FOXN3: variants seen among roughly 807,000 people sequenced by gnomAD.
FOXN3 encodes the protein forkhead box protein N3.
In FOXN3, 7 loss-of-function variants were observed where a neutral mutation model predicts 38.4. That is an observed-to-expected ratio of 0.18 (90% confidence interval 0.10 to 0.34). The LOEUF (loss-of-function observed/expected upper bound fraction) is 0.34. FOXN3 is among the 10% of genes least tolerant of loss of function. The pLI is 1.00. For synonymous variants in FOXN3, 230 were observed against 242.2 expected (o/e 0.95, Z 0.47); for missense variants, 456 against 613.4 (o/e 0.74, Z 2.71).
rs186061748 is a variant in FOXN3, at chr14:89,166,441, T to C, written c.852-3472A>G. 4.1e-3 allele frequency among the ~76,000 whole-genome samples: 625 copies of C among 151,990 alleles called. 8 individuals are homozygous for C. The highest frequency in any genetic ancestry group is 0.014 in the African/African-American group (598 of 41,432). ...ATGCCAACAGAGTCCATGACCCAAG[T>C]CCCTATTGGAACACTGGCCTACTTA... is the stretch of plus-strand genomic sequence containing the variant. On this transcript the variant is annotated intron_variant, in intron 5 of 5. Transcript: ENST00000557258.
chr14:89,306,391 G>A (rs1233660721), intron 3 of FOXN3, among the ~76,000 whole-genome samples: 1 of 150,882 alleles, frequency 6.6e-6, no homozygotes, highest in Non-Finnish European at 1.5e-5. Context: ...ACGGAGAGAC[G>A]GAGTCTTGCT....
chr14:89,202,377 T>A (rs1359299787), intron 4 of FOXN3, among the ~76,000 whole-genome samples: 1 of 152,220 alleles, frequency 6.6e-6, no homozygotes, highest in East Asian at 1.9e-4. Context: ...ACACACCCGG[T>A]CCCACTATGC....
At chr14:89,288,673 T>A (rs1180927957) in intron 3 of FOXN3, among the ~76,000 whole-genome samples, 1 of 60,212 alleles carries the variant, frequency 1.7e-5, no homozygotes, top group South Asian at 8.3e-4. Flanking sequence ...ACTCTCTTTC[T>A]CTCTCTCTCT....
intron 5 of FOXN3, among the ~76,000 whole-genome samples, chr14:89,178,661 A>G (rs1421081843): frequency 3.3e-5 from 5 of 152,234 alleles, no homozygotes; most frequent in African/African-American, 7.2e-5. Flanking sequence ...CTCTAACTAG[A>G]AAGAAACCAT....
chr14:89,558,902 A>G (rs1284072109), intron 1 of FOXN3, among the ~76,000 whole-genome samples: 1 of 152,098 alleles, frequency 6.6e-6, no homozygotes, highest in Admixed American at 6.5e-5. Flanking sequence ...CGTGTGACCC[A>G]CTCACATTTG....
intron 3 of FOXN3, among the ~76,000 whole-genome samples, chr14:89,294,623 A>C (rs1225781128): frequency 6.6e-6 from 1 of 152,100 alleles, no homozygotes; most frequent in Non-Finnish European, 1.5e-5. Context: ...GATTGCATTA[A>C]AGCCAGCTGA....
rs560426742 is a variant in FOXN3 at position 89,548,683 on chromosome 14, A to ATATG, written c.-15+70341_-15+70344dup. On this transcript the variant is annotated intron_variant, in intron 1 of 6. Coordinates refer to the FOXN3 transcript ENST00000345097. The surrounding 1 kb of genome is among the most constrained non-coding windows in gnomAD (Gnocchi z 4.8). ...GATGACTTTTCTTTTCAATTTATAT[A>ATATG]TATGTATGTATGTATGTATATATGC... Among the ~76,000 whole-genome samples the ATATG allele has an allele frequency of 1.5e-3, 231 of 152,206 alleles. No homozygotes were observed. Among genetic ancestry groups the ATATG allele is most frequent in the Non-Finnish European group, 2.5e-3 (168 of 68,004 alleles).
intron 4 of FOXN3, among the ~76,000 whole-genome samples, chr14:89,247,124 G>A (rs183103148): frequency 3.3e-5 from 5 of 152,032 alleles, no homozygotes; most frequent in East Asian, 3.9e-4. Flanking sequence ...ACACCCGTCC[G>A]TCCATTCATC....
At chr14:89,377,019 T>TAAAAAAAAAAAAA (rs1566971975) in intron 2 of FOXN3, among the ~76,000 whole-genome samples, 2 of 17,016 alleles carry the variant, frequency 1.2e-4, no homozygotes, top group Non-Finnish European at 2.4e-4. Context: ...AGACTCTGTC[T>TAAAAAAAAAAAAA]CAAAAAAAAA....
In FOXN3 at chr14:89,499,730, A is replaced by G. The variant is rs145466893; in HGVS notation, c.-14-87240T>C. Among the ~76,000 whole-genome samples, 291 of 152,298 alleles carry G rather than the reference A, an allele frequency of 1.9e-3. 4 individuals are homozygous for G. The highest frequency in any genetic ancestry group is 6.7e-3 in the African/African-American group (279 of 41,566). Reference sequence around the variant, plus strand: ...TTTCATTTTTTTGCTTGCAAAAACTATCAAGGGAACTGTGACATCTAGTCA... The same window carrying G: ...TTTCATTTTTTTGCTTGCAAAAACTGTCAAGGGAACTGTGACATCTAGTCA... On this transcript the variant is annotated intron_variant, in intron 1 of 6. Transcript: ENST00000345097.
At chr14:89,220,898 C>T (rs144111005) in intron 4 of FOXN3, among the ~76,000 whole-genome samples, 367 of 152,164 alleles carry the variant, frequency 2.4e-3, no homozygotes, top group Middle Eastern at 0.014. Flanking sequence ...GAAAAATCAC[C>T]AAGGGGAGGC....
At chr14:89,416,124 C>A (rs1175651267) in intron 1 of FOXN3, among the ~76,000 whole-genome samples, 1 of 152,098 alleles carries the variant, frequency 6.6e-6, no homozygotes, top group South Asian at 2.1e-4. Context: ...GCCCACCCAG[C>A]ACGCGCGCGC....
At chr14:89,518,253 T>A (rs1030441920) in intron 1 of FOXN3, among the ~76,000 whole-genome samples, 2 of 152,248 alleles carry the variant, frequency 1.3e-5, no homozygotes, top group Non-Finnish European at 2.9e-5. Flanking sequence ...CTTTCCCACA[T>A]GCAAACCTGT....
chr14:89,310,547 T>C (rs1887506456), intron 3 of FOXN3, among the ~76,000 whole-genome samples: 2 of 152,192 alleles, frequency 1.3e-5, no homozygotes, highest in African/African-American at 2.4e-5. Context: ...TGATAATGAA[T>C]TCAAATGGAG....
intron 1 of FOXN3, among the ~76,000 whole-genome samples, chr14:89,521,263 T>C (rs1352036147): frequency 1.3e-5 from 2 of 151,340 alleles, no homozygotes; most frequent in Non-Finnish European, 2.9e-5. Context: ...TGAGCCAAGA[T>C]TGCACCACTG....
chr14:89,322,389 C>T (rs976075227), intron 3 of FOXN3, among the ~76,000 whole-genome samples: 1 of 152,106 alleles, frequency 6.6e-6, no homozygotes, highest in Admixed American at 6.6e-5. Flanking sequence ...AAGTTGGGGG[C>T]ATGAAGGGGA....
At chr14:89,306,468 C>T (rs1476349025) in intron 3 of FOXN3, among the ~76,000 whole-genome samples, 7 of 152,020 alleles carry the variant, frequency 4.6e-5, no homozygotes, top group Non-Finnish European at 2.9e-5. Flanking sequence ...CCTGGGTTCA[C>T]GCTATTCTCC....
intron 2 of FOXN3, among the ~76,000 whole-genome samples, chr14:89,381,888 G>A (rs1051626948): frequency 5.3e-5 from 8 of 151,780 alleles, no homozygotes; most frequent in South Asian, 4.2e-4. Flanking sequence ...AGGGAGGGAC[G>A]GAGGGAGGGG....
intron 3 of FOXN3, among the ~76,000 whole-genome samples, chr14:89,297,350 C>T (rs1887071418): frequency 6.6e-6 from 1 of 151,836 alleles, no homozygotes. Context: ...ATCACAAGGT[C>T]AGGAGATCGA....
Sources: allele counts gnomAD v4.1 joint callset (sites outside exome capture counted in the v4.1 genomes callset), GRCh38; gene constraint gnomAD v4.1.1; non-coding constraint Gnocchi (gnomAD v3.1); transcripts MANE v1.5; gene names NCBI Gene and HGNC (gene_info 2026-07-23, HGNC 2026-07-21).